KDM3B: variants seen among roughly 807,000 people sequenced by gnomAD.
KDM3B encodes lysine demethylase 3B.
A neutral mutation model predicts 170.0 loss-of-function variants in KDM3B; 10 were observed. The ratio of observed to expected loss-of-function variants is 0.06; its 90% CI spans 0.04 to 0.10. The LOEUF (loss-of-function observed/expected upper bound fraction) is 0.10. KDM3B is among the 10% of genes least tolerant of loss of function. The pLI is 1.00. For synonymous variants in KDM3B, 831 were observed against 834.8 expected (o/e 1.00, Z 0.08); for missense variants, 1,394 against 2,195.2 (o/e 0.64, Z 7.29).
chr5:138,419,515 C>T (rs937336939), intron 14 of KDM3B, among the ~76,000 whole-genome samples: 37 of 150,880 alleles, frequency 2.5e-4, no homozygotes, highest in African/African-American at 8.3e-4. Context: ...ATTAGCTGGG[C>T]GAGGTGGCGG....
intron 1 of KDM3B, among the ~76,000 whole-genome samples, chr5:138,366,866 T>C (rs1761759505): frequency 6.6e-6 from 1 of 152,224 alleles, no homozygotes; most frequent in African/African-American, 2.4e-5. Context: ...AGAACACTCC[T>C]GGCCAAACAA....
At chr5:138,362,482 C>T (rs945273800) in intron 1 of KDM3B, among the ~76,000 whole-genome samples, 1 of 150,566 alleles carries the variant, frequency 6.6e-6, no homozygotes, top group Admixed American at 6.6e-5. Flanking sequence ...ATCATTAAGT[C>T]GGGTGCAGTG....
At chr5:138,419,883 G>A (rs984291556) in intron 14 of KDM3B, among the ~76,000 whole-genome samples, 8 of 150,888 alleles carry the variant, frequency 5.3e-5, no homozygotes, top group South Asian at 4.2e-4. Context: ...GGTTTTTTTT[G>A]TTTGTTTGTT....
At chr5:138,420,278 C>A (rs1763239416) in intron 14 of KDM3B, among the ~76,000 whole-genome samples, 1 of 152,168 alleles carries the variant, frequency 6.6e-6, no homozygotes, top group Non-Finnish European at 1.5e-5. Context: ...TCACTGGGCA[C>A]AAGAATCATC....
At chr5:138,415,111 G>A (rs532707117) in intron 11 of KDM3B, 21 bp from the exon 12 acceptor site, 12 of 1,527,754 alleles carry the variant, frequency 7.9e-6, no homozygotes, top group African/African-American at 1.4e-5. Flanking sequence ...TATAAAATAA[G>A]TGAAATCATT....
intron 3 of KDM3B, 35 bp from the exon 4 acceptor site, chr5:138,377,685 A>T (rs1283540718): frequency 7.0e-7 from 1 of 1,433,494 alleles, no homozygotes; most frequent in South Asian, 1.2e-5. Context: ...TATTCATTTT[A>T]ACATTCAGTT....
At position 138,406,257 on chromosome 5, in the gene KDM3B, A is replaced by T. The variant is rs554466400; in HGVS notation, c.3199+6245A>T. On this transcript the variant is annotated intron_variant, in intron 11 of 23. Coordinates refer to ENST00000314358, the MANE Select transcript of KDM3B (RefSeq NM_016604.4). ...CCTACTCAGAGGCTGATGGGAGAGG[A>T]TCACCTGAGCCCAGAAGGGTGAGGC... is the stretch of plus-strand genomic sequence containing the variant. Among the ~76,000 whole-genome samples, 82 of 152,306 alleles carry T rather than the reference A, an allele frequency of 5.4e-4. No individual in the cohort carries two copies. The South Asian group carries it at 0.015, about 27-fold the overall frequency.
intron 20 of KDM3B, among the ~76,000 whole-genome samples, chr5:138,429,407 T>C (rs1763476606): frequency 6.6e-6 from 1 of 152,158 alleles, no homozygotes; most frequent in South Asian, 2.1e-4. Context: ...TAGGTCATTG[T>C]AATAGACAAG....
intron 8 of KDM3B, 34 bp from the exon 9 acceptor site, chr5:138,393,137 A>G (rs919412918): frequency 8.7e-6 from 14 of 1,604,134 alleles, no homozygotes; most frequent in Non-Finnish European, 1.2e-5. Context: ...TTTACACCTC[A>G]TGACAAACTT....
At position 138,436,583 on chromosome 5, in the gene KDM3B, T is replaced by G. The variant is rs972315468; in HGVS notation, c.*883T>G. 1 of 152,196 alleles carries G rather than the reference T, an allele frequency of 6.6e-6. No individual in the cohort carries two copies. The highest frequency in any genetic ancestry group is 2.4e-5 in the African/African-American group (1 of 41,442). 9.4% of individuals were successfully genotyped at this position (152,196 alleles called of 1,614,324 possible). Reference sequence around the variant, plus strand: ...AGGGAACAGTCATATGAGAAGGAACTTTGTCACATCTAAGCTGTGGTGTGT... The same window carrying G: ...AGGGAACAGTCATATGAGAAGGAACGTTGTCACATCTAAGCTGTGGTGTGT... On this transcript the variant is annotated 3_prime_UTR_variant, in exon 24 of 24. Coordinates refer to ENST00000314358, the MANE Select transcript of KDM3B (RefSeq NM_016604.4).
rs1008438794 is a variant in KDM3B, at chr5:138,435,834, G to A, written c.*134G>A. ...TGTGGTCAGTATTCCAAACTCTCCA[G>A]CCACTCTCTTCTACGCTGCCTCAAC... On this transcript the variant is annotated 3_prime_UTR_variant, in exon 24 of 24. Transcript: ENST00000314358. The A allele has an allele frequency of 1.5e-5, 10 of 682,298 alleles. No homozygotes were observed. In the Admixed American group the frequency reaches 1.6e-4, roughly 11 times the overall value. The allele number at this position is 682,298 out of a possible 1,614,324, so 42.3% of individuals were successfully genotyped here.
chr5:138,361,876 A>G (rs1274256769), intron 1 of KDM3B, among the ~76,000 whole-genome samples: 4 of 152,200 alleles, frequency 2.6e-5, no homozygotes, highest in Non-Finnish European at 4.4e-5. Flanking sequence ...TGTTATAGAT[A>G]TGTGTAGCAA....
At position 138,429,964 on chromosome 5, in the gene KDM3B, A is replaced by G; in HGVS notation, c.4892A>G (p.Lys1631Arg). 6.2e-7 allele frequency: 1 copy of G among 1,614,136 alleles called. No individual in the cohort carries two copies. The highest frequency in any genetic ancestry group is 1.1e-5 in the South Asian group (1 of 91,068). ...DAEKIRELLR[K>R]VGEEQGQENP... is the part of the protein sequence containing the mutation. ...GAGAAGATCCGGGAGCTGCTCCGAA[A>G]GGTACGCCCCTGGGTGGGCTGTGCT... The change falls in exon 21 of 24, where the codon AAG becomes AGG. Residue 1631 changes from lysine (K) to arginine (R), a missense_variant and splice_region_variant. Coordinates refer to ENST00000314358, the MANE Select transcript of KDM3B (RefSeq NM_016604.4).
rs1211503483 is a variant in KDM3B at position 138,386,633 on chromosome 5, CAG to C, written c.1380+13_1380+14del. On this transcript the variant is annotated intron_variant, in intron 7 of 23. Transcript: ENST00000314358. The stretch of plus-strand genomic sequence containing the variant: ...AGGCCTCGGGAGAGGTGAGTTACTT[CAG>C]GGGCAGATTTGCAAGATTTGGGTTT... The C allele has an allele frequency of 6.9e-6, 11 of 1,600,684 alleles. No homozygotes were observed. The highest frequency in any genetic ancestry group is 9.4e-6 in the Non-Finnish European group (11 of 1,170,618).
At chr5:138,392,321 T>G in intron 8 of KDM3B, 60 bp downstream of exon 8, 1 of 1,430,252 alleles carries the variant, frequency 7.0e-7, no homozygotes, top group Admixed American at 2.4e-5. Context: ...ATGCCTGTCG[T>G]GTTCTTGTGC....
intron 8 of KDM3B, among the ~76,000 whole-genome samples, chr5:138,392,911 T>G (rs547403609): frequency 2.6e-5 from 4 of 152,240 alleles, no homozygotes; most frequent in Admixed American, 6.5e-5. Context: ...TGGCTTCTTA[T>G]GTTTTTCACA....
At chr5:138,400,899 T>C (rs1021221557) in intron 11 of KDM3B, among the ~76,000 whole-genome samples, 2 of 151,788 alleles carry the variant, frequency 1.3e-5, no homozygotes, top group African/African-American at 4.8e-5. Context: ...TTTTTCTCTT[T>C]TTTTTTTTTG....
intron 7 of KDM3B, among the ~76,000 whole-genome samples, chr5:138,389,418 C>G (rs1479943816): frequency 6.6e-6 from 1 of 152,012 alleles, no homozygotes; most frequent in Non-Finnish European, 1.5e-5. Context: ...GAGAATAGCC[C>G]TTTTGTTTAT....
At chr5:138,360,633 A>G (rs148235226) in intron 1 of KDM3B, among the ~76,000 whole-genome samples, 2 of 144,068 alleles carry the variant, frequency 1.4e-5, no homozygotes. Context: ...GTGCAGTGGC[A>G]CATTGTCGGC....
Sources: gnomAD v4.1 joint callset for allele counts (sites outside exome capture counted in the v4.1 genomes callset) on GRCh38, gnomAD v4.1.1 for gene constraint, MANE v1.5 for transcripts, NCBI Gene and HGNC (gene_info 2026-07-23, HGNC 2026-07-21) for gene names.